The following ADCY8 variants were observed in gnomAD, a reference collection of about 807,000 sequenced individuals.
ADCY8 encodes adenylate cyclase type 8.
Under a neutral mutation model 119.7 loss-of-function variants are expected in ADCY8, and 51 were observed. That is an observed-to-expected ratio of 0.43 (90% CI 0.34 to 0.54). The LOEUF is 0.54. Ranked by LOEUF, ADCY8 falls within the 20% of genes least tolerant of loss-of-function variation. ADCY8 has a pLI of 0.03. For synonymous variants in ADCY8, 665 were observed against 651.0 expected (o/e 1.02, Z -0.33); for missense variants, 1,383 against 1,598.8 (o/e 0.87, Z 2.30).
At chr8:131,030,083 G>A (rs963973971) in intron 1 of ADCY8, among the ~76,000 whole-genome samples, 5 of 152,116 alleles carry the variant, frequency 3.3e-5, no homozygotes, top group African/African-American at 7.2e-5. Flanking sequence ...AGGAAAACAC[G>A]GGATGTGGAA....
At chr8:131,035,227 G>A (rs1413053395) in intron 1 of ADCY8, among the ~76,000 whole-genome samples, 1 of 152,116 alleles carries the variant, frequency 6.6e-6, no homozygotes, top group Non-Finnish European at 1.5e-5. Flanking sequence ...GGTTTCATAA[G>A]AAAGAAACGA....
intron 8 of ADCY8, among the ~76,000 whole-genome samples, chr8:130,879,957 G>A (rs1416684588): frequency 1.3e-5 from 2 of 152,128 alleles, no homozygotes; most frequent in Admixed American, 1.3e-4. Flanking sequence ...TGAATCATGG[G>A]GGTGGGTCTT....
chr8:130,937,258 GA>G, intron 4 of ADCY8, 58 bp from the exon 5 acceptor site: 1 of 1,558,882 alleles, frequency 6.4e-7, no homozygotes, highest in Non-Finnish European at 8.7e-7. Context: ...CAGTTCTTCA[GA>G]AAGGCTTGAG....
Position 130,964,525 on chromosome 8 carries a change from A to T in ADCY8, c.1111-12527T>A, listed in dbSNP as rs564205577. 2.6e-5 allele frequency among the ~76,000 whole-genome samples: 4 copies of T among 152,346 alleles called. No individual in the cohort carries two copies. In the South Asian group the frequency reaches 6.2e-4, roughly 24 times the overall value. ...TAATGAAATCAAATACTTTGGGAAGACTTTGTAATGCTGAGCAGCTAAAAC... is the reference window on the plus strand; with the variant it reads ...TAATGAAATCAAATACTTTGGGAAGTCTTTGTAATGCTGAGCAGCTAAAAC... On this transcript the variant is annotated intron_variant, in intron 2 of 17. Transcript: ENST00000286355.
intron 2 of ADCY8, among the ~76,000 whole-genome samples, chr8:130,953,180 G>T (rs992856633): frequency 1.3e-5 from 2 of 152,054 alleles, no homozygotes; most frequent in Non-Finnish European, 2.9e-5. Context: ...ATAGAAAATA[G>T]GGTAATTATC....
At chr8:130,982,151 C>T (rs143995500) in intron 2 of ADCY8, among the ~76,000 whole-genome samples, 9 of 152,302 alleles carry the variant, frequency 5.9e-5, no homozygotes, top group African/African-American at 1.9e-4. Context: ...GTGTCCTACC[C>T]ACATCGGGTA....
intron 9 of ADCY8, among the ~76,000 whole-genome samples, chr8:130,850,401 C>T (rs1817483846): frequency 6.6e-6 from 1 of 152,154 alleles, no homozygotes; most frequent in Non-Finnish European, 1.5e-5. Flanking sequence ...TAGCCTGTGT[C>T]AGTTGGACAC....
chr8:130,839,372 T>C (rs1354945313), intron 11 of ADCY8, among the ~76,000 whole-genome samples: 1 of 139,778 alleles, frequency 7.2e-6, no homozygotes, highest in African/African-American at 2.4e-5. Flanking sequence ...AGGTAACTTT[T>C]TACTTTAAAG....
intron 7 of ADCY8, among the ~76,000 whole-genome samples, chr8:130,901,759 G>A (rs1259611552): frequency 6.6e-6 from 1 of 152,128 alleles, no homozygotes; most frequent in African/African-American, 2.4e-5. Context: ...TTGCTCTTCA[G>A]TCTGAAGGCA....
chr8:130,930,092 A>G (rs1388337971), intron 5 of ADCY8, among the ~76,000 whole-genome samples: 1 of 152,154 alleles, frequency 6.6e-6, no homozygotes, highest in African/African-American at 2.4e-5. Context: ...AAGGCACTCT[A>G]CATTTTTTGA....
intron 1 of ADCY8, among the ~76,000 whole-genome samples, chr8:131,004,157 C>G (rs896287595): frequency 1.3e-5 from 2 of 152,050 alleles, no homozygotes; most frequent in African/African-American, 2.4e-5. Context: ...GTCTAGTGTA[C>G]CATGGAGGGA....
At chr8:130,886,678 G>A (rs571904603) in intron 7 of ADCY8, among the ~76,000 whole-genome samples, 3 of 152,232 alleles carry the variant, frequency 2.0e-5, no homozygotes, top group East Asian at 3.9e-4. Flanking sequence ...CCTCGTAAGT[G>A]CTTGGAGCTG....
At chr8:130,870,467 C>T (rs1489933202) in intron 8 of ADCY8, among the ~76,000 whole-genome samples, 1 of 152,190 alleles carries the variant, frequency 6.6e-6, no homozygotes, top group East Asian at 1.9e-4. Flanking sequence ...CCTCAAATGT[C>T]TGTTGATTAT....
At position 130,839,864 on chromosome 8, in the gene ADCY8, G is replaced by A. The variant is rs962858839; in HGVS notation, c.2503-3415C>T. On this transcript the variant is annotated intron_variant, in intron 11 of 17. Transcript: ENST00000286355. ...CTGCAGTCCGTAAGGAACCACGGATGAGTTTCTTGCTTGTAATGGATTCAT... is the reference window on the plus strand; with the variant it reads ...CTGCAGTCCGTAAGGAACCACGGATAAGTTTCTTGCTTGTAATGGATTCAT... Among the ~76,000 whole-genome samples, 2 of 140,172 alleles carry A rather than the reference G, an allele frequency of 1.4e-5. 1 individual carries two copies. The highest frequency in any genetic ancestry group is 3.2e-5 in the Non-Finnish European group (2 of 61,964). 92.0% of individuals were successfully genotyped at this position (140,172 alleles called of 152,430 possible).
At chr8:130,998,059 C>T (rs1463942780) in intron 1 of ADCY8, among the ~76,000 whole-genome samples, 2 of 152,138 alleles carry the variant, frequency 1.3e-5, no homozygotes, top group Non-Finnish European at 2.9e-5. Flanking sequence ...TTCTATGTGT[C>T]AGGCAGTTTT....
Position 130,834,054 on chromosome 8 carries a change from C to T in ADCY8, c.2675+2223G>A, listed in dbSNP as rs78459065. Among the ~76,000 whole-genome samples, 441 of 152,210 alleles carry T rather than the reference C, an allele frequency of 2.9e-3. 3 individuals are homozygous for T. The highest frequency in any genetic ancestry group is 0.014 in the Middle Eastern group (4 of 294). ...TAAGAGAGTAGATCTTACGTGCTGT[C>T]ACCACCTACAAAAAAAGCATGTGAA... On this transcript the variant is annotated intron_variant, in intron 12 of 17. Coordinates refer to ENST00000286355, the MANE Select transcript of ADCY8 (RefSeq NM_001115.3).
At chr8:130,947,596 G>A (rs1427070549) in intron 3 of ADCY8, among the ~76,000 whole-genome samples, 1 of 152,178 alleles carries the variant, frequency 6.6e-6, no homozygotes, top group African/African-American at 2.4e-5. Context: ...GATCACACAT[G>A]TTGACAGGGC....
At chr8:130,837,404 C>T (rs905202087) in intron 11 of ADCY8, among the ~76,000 whole-genome samples, 4 of 152,200 alleles carry the variant, frequency 2.6e-5, no homozygotes, top group African/African-American at 9.6e-5. Context: ...TGGCAAATGT[C>T]AGCTTAGGTG....
chr8:130,825,468 G>T (rs1816642116), intron 12 of ADCY8, among the ~76,000 whole-genome samples: 1 of 152,178 alleles, frequency 6.6e-6, no homozygotes, highest in African/African-American at 2.4e-5. Flanking sequence ...GATGATGAAT[G>T]GGAAGTGTGC....
Sources: allele counts gnomAD v4.1 joint callset (sites outside exome capture counted in the v4.1 genomes callset), GRCh38; gene constraint gnomAD v4.1.1; transcripts MANE v1.5; gene names NCBI Gene and HGNC (gene_info 2026-07-23, HGNC 2026-07-21).